Variants in SYNRG observed in about 807,000 individuals in gnomAD.
The protein encoded by SYNRG is synergin gamma, also known as AP1 gamma subunit binding protein 1.
Under a neutral mutation model 130.9 loss-of-function variants are expected in SYNRG, and 37 were observed. The ratio of observed to expected loss-of-function variants is 0.28; its 90% CI spans 0.22 to 0.37. SYNRG has a LOEUF of 0.37. Ranked by LOEUF, SYNRG falls within the 10% of genes least tolerant of loss-of-function variation. The probability of loss-of-function intolerance (pLI) is 1.00; values close to 1 mark genes in which losing one functional copy is unlikely to be tolerated. For missense variants in SYNRG, 1,338 were observed against 1,588.9 expected, an observed-to-expected ratio of 0.84 and a Z score of 2.68; for synonymous variants, 539 against 568.1, an observed-to-expected ratio of 0.95 and a Z score of 0.73.
chr17:37,519,778 T>G (rs567883232), intron 21 of SYNRG, among the ~76,000 whole-genome samples: 1 of 152,322 alleles, frequency 6.6e-6, no homozygotes, highest in South Asian at 2.1e-4. Context: ...GGGTTAGTTT[T>G]CTAATATGCA....
At chr17:37,576,890 A>G (rs2060879145) in intron 7 of SYNRG, among the ~76,000 whole-genome samples, 1 of 152,178 alleles carries the variant, frequency 6.6e-6, no homozygotes, top group South Asian at 2.1e-4. Flanking sequence ...CCAATAAAAT[A>G]TCCTCCCAAA....
chr17:37,549,640 G>A (rs2058564617), intron 14 of SYNRG, among the ~76,000 whole-genome samples: 1 of 152,102 alleles, frequency 6.6e-6, no homozygotes, highest in Non-Finnish European at 1.5e-5. Context: ...ACCCAGGCTG[G>A]AGTGCAGTGA....
chr17:37,541,780 T>C (rs2057784698), intron 15 of SYNRG, 192 bp downstream of exon 15: 2 of 629,028 alleles, frequency 3.2e-6, no homozygotes, highest in Non-Finnish European at 2.7e-6. Context: ...AAAGCAGTTA[T>C]CTGAGGGATG....
At chr17:37,573,021 G>A (rs1402190547) in intron 8 of SYNRG, among the ~76,000 whole-genome samples, 1 of 152,144 alleles carries the variant, frequency 6.6e-6, no homozygotes, top group Non-Finnish European at 1.5e-5. Flanking sequence ...ACTTAGTAGG[G>A]CTAAGGGGGA....
intron 8 of SYNRG, among the ~76,000 whole-genome samples, chr17:37,573,016 G>A (rs943454509): frequency 6.6e-6 from 1 of 152,188 alleles, no homozygotes; most frequent in African/African-American, 2.4e-5. Flanking sequence ...ATGAAACTTA[G>A]TAGGGCTAAG....
chr17:37,540,627 C>CTTA, intron 15 of SYNRG, 84 bp from the exon 16 acceptor site: 14 of 864,448 alleles, frequency 1.6e-5, no homozygotes, highest in Admixed American at 3.3e-5. Flanking sequence ...CCACAACCCT[C>CTTA]TTCTTTTTTT....
At chr17:37,522,203 T>A (rs963405025) in intron 19 of SYNRG, among the ~76,000 whole-genome samples, 1 of 147,528 alleles carries the variant, frequency 6.8e-6, no homozygotes, top group African/African-American at 2.5e-5. Flanking sequence ...GTCCAGTCAC[T>A]CTGTTGCTCA....
At position 37,586,528 on chromosome 17, in the gene SYNRG, T is replaced by C. The variant is rs757765225; in HGVS notation, c.262A>G (p.Met88Val). The C allele has an allele frequency of 3.1e-6, 5 of 1,614,170 alleles. No individual in the cohort carries two copies. Among genetic ancestry groups the C allele is most frequent in the Admixed American group, 3.3e-5 (2 of 60,022 alleles). The change falls in exon 4 of 22, where the codon ATG (methionine) becomes GTG (valine). Residue 88 changes from methionine to valine, a missense_variant. Physicochemically the swap from Met to Val is conservative, Grantham distance 21. Coordinates refer to ENST00000612223, the MANE Select transcript of SYNRG (RefSeq NM_007247.6). ...AGGTAAGGCATTCCCGCTGCTGGCA[T>C]TGGTCCCATTGGTATTCCTGCCTAG... The part of the protein sequence containing the change: ...AMQAGIPMGP[M>V]PAAGMPYLGQ...
chr17:37,552,395 G>GCTCCCT (rs1212812880), intron 14 of SYNRG, among the ~76,000 whole-genome samples: 1 of 152,132 alleles, frequency 6.6e-6, no homozygotes, highest in Non-Finnish European at 1.5e-5. Context: ...TTTAAAGAGG[G>GCTCCCT]CTCCCTAATA....
intron 1 of SYNRG, among the ~76,000 whole-genome samples, chr17:37,604,153 C>T (rs553754702): frequency 9.3e-4 from 141 of 151,618 alleles, no homozygotes; most frequent in Middle Eastern, 3.4e-3. Flanking sequence ...GGCAGAAGAA[C>T]CACTTGAACC....
chr17:37,520,745 A>G, intron 19 of SYNRG, 97 bp from the exon 20 acceptor site: 1 of 918,182 alleles, frequency 1.1e-6, no homozygotes, highest in Non-Finnish European at 1.8e-6. Flanking sequence ...CCTAGCGGCA[A>G]GTACAGTACT....
At chr17:37,533,926 CT>C (rs765621244) in intron 19 of SYNRG, among the ~76,000 whole-genome samples, 1,386 of 57,726 alleles carry the variant, frequency 0.024, 2 homozygotes, top group African/African-American at 0.095. Flanking sequence ...ATTTTCTTTT[CT>C]TTTTTTTTTT....
chr17:37,584,491 A>C (rs57944967), intron 6 of SYNRG, 157 bp downstream of exon 6: 3 of 557,424 alleles, frequency 5.4e-6, no homozygotes, highest in Non-Finnish European at 6.5e-6. Flanking sequence ...AGAGCTCTTA[A>C]GCCACTGTAT....
chr17:37,585,804 A>C (rs1158778518), intron 4 of SYNRG, among the ~76,000 whole-genome samples: 4 of 152,188 alleles, frequency 2.6e-5, no homozygotes, highest in Non-Finnish European at 5.9e-5. Flanking sequence ...CAGCAGAAAG[A>C]GTAATGATTT....
At chr17:37,550,780 C>G (rs1162215058) in intron 14 of SYNRG, among the ~76,000 whole-genome samples, 2 of 151,822 alleles carry the variant, frequency 1.3e-5, no homozygotes, top group Non-Finnish European at 2.9e-5. Flanking sequence ...AGGTAGGTAG[C>G]TACAGAAGTC....
chr17:37,527,841 G>A (rs1394934968), intron 19 of SYNRG, among the ~76,000 whole-genome samples: 1 of 152,072 alleles, frequency 6.6e-6, no homozygotes, highest in Admixed American at 6.5e-5. Flanking sequence ...GAATGACTGT[G>A]TCATTTCCAG....
intron 19 of SYNRG, among the ~76,000 whole-genome samples, chr17:37,522,346 T>C (rs1309325232): frequency 8.5e-5 from 13 of 152,088 alleles, no homozygotes. Flanking sequence ...GATTTTTTTG[T>C]AAAGATGATT....
chr17:37,529,553 A>G (rs1328325719), intron 19 of SYNRG, among the ~76,000 whole-genome samples: 4 of 150,210 alleles, frequency 2.7e-5, no homozygotes, highest in Non-Finnish European at 4.4e-5. Context: ...AAAAAAAAAA[A>G]AAGAAAAGAA....
At chr17:37,579,273 G>C (rs926228961) in intron 6 of SYNRG, 1 of 1,302,824 alleles carries the variant, frequency 7.7e-7, no homozygotes, top group Non-Finnish European at 1.0e-6. Context: ...AACTGGCCAA[G>C]TGGGGTGGAG....
Sources: gnomAD v4.1 joint callset for allele counts (sites outside exome capture counted in the v4.1 genomes callset) on GRCh38, gnomAD v4.1.1 for gene constraint, MANE v1.5 for transcripts, NCBI Gene and HGNC (gene_info 2026-07-23, HGNC 2026-07-21) for gene names.